HHIP: variants seen among roughly 807,000 people sequenced by gnomAD.
HHIP encodes hedgehog-interacting protein.
In HHIP, 12 loss-of-function variants were observed where a neutral mutation model predicts 74.0. The observed-to-expected ratio is 0.16, with a 90% CI of 0.10 to 0.26. HHIP has a LOEUF of 0.26. Among genes scored for constraint, HHIP ranks in the 10% least tolerant of loss-of-function variants. The pLI, the probability that HHIP is intolerant of heterozygous loss-of-function variation, is 1.00. For synonymous variants in HHIP, 309 were observed against 311.6 expected (o/e 0.99, Z 0.09); for missense variants, 788 against 845.0 (o/e 0.93, Z 0.84).
chr4:144,646,648 G>T lies in HHIP; in HGVS notation c.-28G>T, dbSNP rs1728267903. The T allele has an allele frequency of 1.2e-6, 2 of 1,602,370 alleles. No individual in the cohort carries two copies. The highest frequency in any genetic ancestry group is 1.3e-5 in the African/African-American group (1 of 74,710). On this transcript the variant is annotated 5_prime_UTR_variant, in exon 1 of 13. Transcript: ENST00000296575. ...GTGGCGTTCCCCCCCATCCTCCCGC[G>T]CCCAGCCCCTGCTGCTCTGGGCAGA...
In HHIP at chr4:144,708,275, C is replaced by G. The variant is rs771256218; in HGVS notation, c.1265C>G (p.Pro422Arg). ...CACTTCAACAGCACCAACCAGCCCC[C>G]CGAAGTGTTTGCTCATGGGCTCCAC... ...NPHFNSTNQP[P>R]EVFAHGLHDP... is the part of the protein sequence containing the mutation. The change falls in exon 7 of 13, where the codon CCC (proline) becomes CGC (arginine). Residue 422 changes from proline (P) to arginine (R), a missense_variant. Transcript: ENST00000296575. 7 of 1,614,120 alleles carry G rather than the reference C, an allele frequency of 4.3e-6. No homozygotes were observed. Among genetic ancestry groups the G allele is most frequent in the Non-Finnish European group, 5.9e-6 (7 of 1,180,008 alleles).
At chr4:144,666,731 GC>G (rs2126599659) in intron 4 of HHIP, among the ~76,000 whole-genome samples, 1 of 152,344 alleles carries the variant, frequency 6.6e-6, no homozygotes, top group South Asian at 2.1e-4. Flanking sequence ...GTGTCAGCAT[GC>G]TCAGTGAGGA....
intron 11 of HHIP, among the ~76,000 whole-genome samples, chr4:144,733,108 T>C (rs151014372): frequency 6.6e-6 from 1 of 152,212 alleles, no homozygotes. Context: ...TTACTTTTCT[T>C]GGCATAGTCA....
At chr4:144,661,678 T>C (rs1029248460) in intron 4 of HHIP, among the ~76,000 whole-genome samples, 1 of 152,118 alleles carries the variant, frequency 6.6e-6, no homozygotes, top group African/African-American at 2.4e-5. Flanking sequence ...TATTTATGAG[T>C]TGATCATAGC....
chr4:144,697,502 T>C (rs964677048), intron 4 of HHIP, among the ~76,000 whole-genome samples: 6 of 152,084 alleles, frequency 3.9e-5, no homozygotes, highest in African/African-American at 1.4e-4. Flanking sequence ...TCTCTGATAT[T>C]ATATTGGATT....
intron 4 of HHIP, among the ~76,000 whole-genome samples, chr4:144,670,559 C>T (rs1170184894): frequency 6.6e-6 from 1 of 151,080 alleles, no homozygotes; most frequent in Admixed American, 6.6e-5. Context: ...CTAAACCACC[C>T]TCTTATTCTA....
chr4:144,686,045 C>T (rs571072161), intron 4 of HHIP, among the ~76,000 whole-genome samples: 2 of 152,216 alleles, frequency 1.3e-5, no homozygotes, highest in South Asian at 2.1e-4. Flanking sequence ...TTTTTGCCAA[C>T]TGAACATTAC....
rs201566808 is a variant in HHIP at position 144,708,121 on chromosome 4, T to C, written c.1158-47T>C. On this transcript the variant is annotated intron_variant, in intron 6 of 12. Transcript: ENST00000296575. ...CTCACCATATTTAATATAGGTGAAA[T>C]ATATAATGAAAATGTAAAACACATA... 7.2e-5 allele frequency: 114 copies of C among 1,589,328 alleles called. No homozygotes were observed. In the East Asian group the frequency reaches 2.1e-3, roughly 29 times the overall value.
chr4:144,722,153 A>C (rs1051845345), intron 11 of HHIP, among the ~76,000 whole-genome samples: 5 of 152,168 alleles, frequency 3.3e-5, no homozygotes, highest in African/African-American at 1.2e-4. Flanking sequence ...AATTCTGAAA[A>C]ACAGATTTAG....
chr4:144,688,717 C>A (rs1729552678), intron 4 of HHIP, among the ~76,000 whole-genome samples: 1 of 152,152 alleles, frequency 6.6e-6, no homozygotes, highest in African/African-American at 2.4e-5. Context: ...CTCTGCCAGA[C>A]AAAACAGTTG....
In HHIP at chr4:144,715,348, A is replaced by G. The variant is rs771435868; in HGVS notation, c.1596A>G (p.Glu532=). 5.6e-6 allele frequency: 9 copies of G among 1,613,426 alleles called. No individual in the cohort carries two copies. Among genetic ancestry groups the G allele is most frequent in the African/African-American group, 5.3e-5 (4 of 74,910 alleles). The part of the protein sequence containing the change: ...QQSPVTKQWQ[E]KPLCLGTSGS... ...GTCCTGTGACAAAGCAGTGGCAAGA[A>G]AAACCACTCTGTCTCGGCACTAGTG... The change falls in exon 10 of 13, where the codon GAA becomes GAG. Residue 532 remains glutamate, a synonymous_variant. Coordinates refer to ENST00000296575, the MANE Select transcript of HHIP (RefSeq NM_022475.3).
chr4:144,652,722 A>G lies in HHIP; in HGVS notation c.397A>G (p.Arg133Gly). The G allele has an allele frequency of 6.2e-7, 1 of 1,613,128 alleles. No homozygotes were observed. Among genetic ancestry groups the G allele is most frequent in the Non-Finnish European group, 8.5e-7 (1 of 1,179,218 alleles). The change falls in exon 2 of 13, where the codon AGA becomes GGA. Residue 133 changes from arginine (R) to glycine (G), a missense_variant. Coordinates refer to ENST00000296575, the MANE Select transcript of HHIP (RefSeq NM_022475.3). ...CTCACCTGAGAGAGAAGTCTTGGAAAGAGACCTAGTACTTCCTCTGCTCTG... is the reference window on the plus strand; with the variant it reads ...CTCACCTGAGAGAGAAGTCTTGGAAGGAGACCTAGTACTTCCTCTGCTCTG... Reference protein sequence around the residue: ...FHSPEREVLERDLVLPLLCKD... With the variant: ...FHSPEREVLEGDLVLPLLCKD...
chr4:144,708,290 A>T lies in HHIP; in HGVS notation c.1280A>T (p.His427Leu). The T allele has an allele frequency of 6.2e-7, 1 of 1,614,128 alleles. No homozygotes were observed. The change falls in exon 7 of 13, where the codon CAT becomes CTT. Residue 427 changes from histidine (H) to leucine (L), a missense_variant. Transcript: ENST00000296575. ...STNQPPEVFA[H>L]GLHDPGRCAV... is the part of the protein sequence containing the mutation. Reference sequence around the variant, plus strand: ...AACCAGCCCCCCGAAGTGTTTGCTCATGGGCTCCACGATCCAGGCAGGTGA... The same window carrying T: ...AACCAGCCCCCCGAAGTGTTTGCTCTTGGGCTCCACGATCCAGGCAGGTGA...
chr4:144,708,286 G>T lies in HHIP; in HGVS notation c.1276G>T (p.Ala426Ser). The T allele has an allele frequency of 6.2e-7, 1 of 1,614,108 alleles. No individual in the cohort carries two copies. Among genetic ancestry groups the T allele is most frequent in the Non-Finnish European group, 8.5e-7 (1 of 1,180,016 alleles). ...CACCAACCAGCCCCCCGAAGTGTTTGCTCATGGGCTCCACGATCCAGGCAG... is the reference window on the plus strand; with the variant it reads ...CACCAACCAGCCCCCCGAAGTGTTTTCTCATGGGCTCCACGATCCAGGCAG... ...NSTNQPPEVF[A>S]HGLHDPGRCA... Residue 426 changes from alanine to serine, a missense_variant, in exon 7 of 13, where the codon GCT (alanine) becomes TCT (serine). Physicochemically the swap from Ala to Ser is moderately conservative, Grantham distance 99 (BLOSUM62 1). This residue lies in a region of HHIP where 343 missense variants were observed against 347.9 expected (regional missense o/e 0.99). Coordinates refer to ENST00000296575, the MANE Select transcript of HHIP (RefSeq NM_022475.3).
chr4:144,658,565 C>T (rs1171515528), intron 2 of HHIP, among the ~76,000 whole-genome samples: 4 of 151,836 alleles, frequency 2.6e-5, no homozygotes, highest in South Asian at 4.2e-4. Flanking sequence ...GACGGGGTTT[C>T]GCCATGTTGA....
At chr4:144,719,879 TA>T (rs1416086713) in intron 11 of HHIP, among the ~76,000 whole-genome samples, 1 of 152,230 alleles carries the variant, frequency 6.6e-6, no homozygotes, top group African/African-American at 2.4e-5. Context: ...TTAACTCTAA[TA>T]ATCTGAAAAG....
intron 10 of HHIP, among the ~76,000 whole-genome samples, chr4:144,717,319 A>G (rs1264307775): frequency 6.6e-6 from 1 of 152,204 alleles, no homozygotes. Flanking sequence ...TAAATGAAGT[A>G]AACTATAAAA....
chr4:144,711,940 T>C lies in HHIP; in HGVS notation c.1302-10T>C. 1 of 1,611,124 alleles carries C rather than the reference T, an allele frequency of 6.2e-7. No individual in the cohort carries two copies. The highest frequency in any genetic ancestry group is 8.5e-7 in the Non-Finnish European group (1 of 1,178,660). ...GTAGGAATTAATGTGTATCCCCTCTTGTTATGCAGATGTGCTGTGGATAGA... is the reference window on the plus strand; with the variant it reads ...GTAGGAATTAATGTGTATCCCCTCTCGTTATGCAGATGTGCTGTGGATAGA... On this transcript the variant is annotated splice_polypyrimidine_tract_variant and intron_variant, in intron 7 of 12. Transcript: ENST00000296575.
chr4:144,692,537 G>A (rs1729703051), intron 4 of HHIP, among the ~76,000 whole-genome samples: 1 of 152,096 alleles, frequency 6.6e-6, no homozygotes. Context: ...TTTTTAGACA[G>A]GTCTTCCCTC....
Sources: gnomAD v4.1 joint callset for allele counts (sites outside exome capture counted in the v4.1 genomes callset) on GRCh38, gnomAD v4.1.1 for gene constraint, gnomAD v4.1.1 regional missense constraint, MANE v1.5 for transcripts, NCBI Gene and HGNC (gene_info 2026-07-23, HGNC 2026-07-21) for gene names.